KCNQ5: variants seen among roughly 807,000 people sequenced by gnomAD.
KCNQ5 encodes potassium voltage-gated channel subfamily Q member 5.
Under a neutral mutation model 98.2 loss-of-function variants are expected in KCNQ5, and 30 were observed. The observed-to-expected ratio is 0.31, with a 90% CI of 0.23 to 0.41. The LOEUF (loss-of-function observed/expected upper bound fraction) is 0.41, where lower values mean the gene tolerates loss of function less well. Among genes scored for constraint, KCNQ5 ranks in the 10% least tolerant of loss-of-function variants. The pLI is 1.00. For synonymous variants in KCNQ5, 458 were observed against 449.4 expected (o/e 1.02, Z -0.24); for missense variants, 835 against 1,182.5 (o/e 0.71, Z 4.31).
intron 1 of KCNQ5, among the ~76,000 whole-genome samples, chr6:72,842,713 G>C (rs568467603): frequency 6.6e-6 from 1 of 152,070 alleles, no homozygotes; most frequent in South Asian, 2.1e-4. Flanking sequence ...TTGCAGTTTT[G>C]ATTTGCATTT....
chr6:72,749,204 T>A (rs1358618331), intron 1 of KCNQ5, among the ~76,000 whole-genome samples: 2 of 152,150 alleles, frequency 1.3e-5, no homozygotes, highest in Non-Finnish European at 2.9e-5. Context: ...AGTTGAATCC[T>A]TGCTAAAGGT....
intron 3 of KCNQ5, among the ~76,000 whole-genome samples, chr6:73,075,325 G>T (rs1186173075): frequency 6.6e-6 from 1 of 151,656 alleles, no homozygotes; most frequent in Admixed American, 6.6e-5. Context: ...TGGGTTCAAG[G>T]GATTCTCATG....
In KCNQ5 at chr6:73,198,246, C is replaced by T. The variant is rs901043120; in HGVS notation, c.*2832C>T. ...AGCTAATACTTAATTGCAAATATCC[C>T]TTGTATGAGGTTAACTAAAAAAATT... On this transcript the variant is annotated 3_prime_UTR_variant, in exon 14 of 14. Transcript: ENST00000370398. The T allele has an allele frequency of 2.0e-5, 3 of 152,146 alleles. No individual in the cohort carries two copies. The highest frequency in any genetic ancestry group is 6.5e-5 in the Admixed American group (1 of 15,288). The allele number at this position is 152,146 out of a possible 1,614,324, so 9.4% of individuals were successfully genotyped here.
intron 8 of KCNQ5, among the ~76,000 whole-genome samples, chr6:73,122,957 T>G (rs1335714935): frequency 6.6e-6 from 1 of 152,316 alleles, no homozygotes; most frequent in South Asian, 2.1e-4. Context: ...AGAAACAGAC[T>G]ACAATTACTA....
At chr6:73,170,607 G>A (rs781082215) in intron 11 of KCNQ5, among the ~76,000 whole-genome samples, 2 of 151,168 alleles carry the variant, frequency 1.3e-5, no homozygotes, top group African/African-American at 2.4e-5. Context: ...AAATACCTCT[G>A]CCTGTTGGTG....
intron 1 of KCNQ5, among the ~76,000 whole-genome samples, chr6:72,865,308 A>T (rs1226722618): frequency 2.6e-5 from 4 of 152,224 alleles, no homozygotes; most frequent in Admixed American, 2.6e-4. Flanking sequence ...TATATCTAAA[A>T]GTCCTCATGA....
At chr6:72,934,875 A>G (rs1470542736) in intron 1 of KCNQ5, among the ~76,000 whole-genome samples, 1 of 152,064 alleles carries the variant, frequency 6.6e-6, no homozygotes, top group Non-Finnish European at 1.5e-5. Context: ...ATCCCACTAA[A>G]TCTTTGGCCC....
At chr6:72,888,867 T>C (rs1230052976) in intron 1 of KCNQ5, among the ~76,000 whole-genome samples, 3 of 152,182 alleles carry the variant, frequency 2.0e-5, no homozygotes, top group Non-Finnish European at 4.4e-5. Context: ...CATACTTTTA[T>C]AGGCACTGGG....
chr6:72,674,605 A>G (rs1220282909), intron 1 of KCNQ5, among the ~76,000 whole-genome samples: 4 of 152,114 alleles, frequency 2.6e-5, no homozygotes, highest in Non-Finnish European at 2.9e-5. Flanking sequence ...CCCCGTCTCT[A>G]CTAAAAATAC....
chr6:73,173,461 A>G lies in KCNQ5; in HGVS notation c.1577+3607A>G, dbSNP rs1247498149. On this transcript the variant is annotated intron_variant, in intron 11 of 13. Transcript: ENST00000370398. ...TTCGTAGTAGATCACCCATTTTTCT[A>G]TCACTGTCTTAAAAATATAGCCCAT... Among the ~76,000 whole-genome samples, 4 of 152,186 alleles carry G rather than the reference A, an allele frequency of 2.6e-5. No individual in the cohort carries two copies. In the East Asian group the frequency reaches 7.7e-4, roughly 29 times the overall value.
intron 1 of KCNQ5, among the ~76,000 whole-genome samples, chr6:72,941,773 T>A: frequency 7.5e-6 from 1 of 134,096 alleles, no homozygotes; most frequent in Non-Finnish European, 1.7e-5. Context: ...TACTGATTGC[T>A]GGTTTCCTTC....
chr6:72,739,336 A>G (rs1771011177), intron 1 of KCNQ5, among the ~76,000 whole-genome samples: 1 of 152,158 alleles, frequency 6.6e-6, no homozygotes. Flanking sequence ...GCTCTGCTGA[A>G]AGTCTAACGA....
chr6:72,918,479 A>G (rs1357837647), intron 1 of KCNQ5, among the ~76,000 whole-genome samples: 1 of 151,980 alleles, frequency 6.6e-6, no homozygotes, highest in Non-Finnish European at 1.5e-5. Context: ...TCTCAAGATC[A>G]TGAGAGAGAG....
At position 73,062,429 on chromosome 6, in the gene KCNQ5, G is replaced by A. The variant is rs76131257; in HGVS notation, c.617-14893G>A. 2.5e-3 allele frequency among the ~76,000 whole-genome samples: 385 copies of A among 152,180 alleles called. 1 individual carries two copies. The highest frequency in any genetic ancestry group is 8.7e-3 in the African/African-American group (363 of 41,520). On this transcript the variant is annotated intron_variant, in intron 3 of 13. Transcript: ENST00000370398. ...ATATGCCCAGGTCCTAGAAGTTTCT[G>A]GCCACAATGAATGTGTATTGAATGA...
intron 3 of KCNQ5, among the ~76,000 whole-genome samples, chr6:73,054,268 AAAG>A: frequency 6.6e-6 from 1 of 152,350 alleles, no homozygotes; most frequent in East Asian, 1.9e-4. Flanking sequence ...CAAGAAGTAT[AAAG>A]AAGAGCTGGT....
intron 1 of KCNQ5, among the ~76,000 whole-genome samples, chr6:72,858,456 T>A (rs944792637): frequency 6.6e-6 from 1 of 151,838 alleles, no homozygotes; most frequent in Non-Finnish European, 1.5e-5. Context: ...ATTTTCCTAT[T>A]GTGGAACATG....
Position 72,622,664 on chromosome 6 carries a change from G to A in KCNQ5, c.398+77G>A. 1 of 1,528,958 alleles carries A rather than the reference G, an allele frequency of 6.5e-7. No homozygotes were observed. Among genetic ancestry groups the A allele is most frequent in the Non-Finnish European group, 8.9e-7 (1 of 1,126,186 alleles). The allele number at this position is 1,528,958 out of a possible 1,614,324, so 94.7% of individuals were successfully genotyped here. ...GCCCCCTGGGGCGTGCTCCGCGCTC[G>A]CGCCCTTGGGCCCCCGCGCGCGTGC... is the stretch of plus-strand genomic sequence containing the variant. On this transcript the variant is annotated intron_variant, in intron 1 of 13. Coordinates refer to ENST00000370398, the MANE Select transcript of KCNQ5 (RefSeq NM_019842.4). This position sits in a 1 kb window ranked among gnomAD's most constrained non-coding sequence, Gnocchi z 6.0.
intron 1 of KCNQ5, among the ~76,000 whole-genome samples, chr6:72,780,153 A>T (rs1252328288): frequency 6.6e-6 from 1 of 152,172 alleles, no homozygotes; most frequent in African/African-American, 2.4e-5. Flanking sequence ...ACCACAAACC[A>T]CAGTAGGTAG....
intron 2 of KCNQ5, among the ~76,000 whole-genome samples, chr6:73,012,149 C>G (rs539162107): frequency 9.2e-5 from 14 of 152,172 alleles, no homozygotes; most frequent in African/African-American, 3.4e-4. Flanking sequence ...GGCAAGGTCT[C>G]AAAGAGATGT....
Sources: allele counts gnomAD v4.1 joint callset (sites outside exome capture counted in the v4.1 genomes callset), GRCh38; gene constraint gnomAD v4.1.1; non-coding constraint Gnocchi (gnomAD v3.1); transcripts MANE v1.5; gene names NCBI Gene and HGNC (gene_info 2026-07-23, HGNC 2026-07-21).